The following LMX1A variants were observed in gnomAD, a reference collection of about 807,000 sequenced individuals.
LMX1A encodes LIM homeobox transcription factor 1 alpha, also known as LIM homeobox transcription factor 1-alpha.
In LMX1A, 15 loss-of-function variants were observed where a neutral mutation model predicts 49.1. The ratio of observed to expected loss-of-function variants is 0.31; its 90% CI spans 0.20 to 0.47. The LOEUF is 0.47. Among genes scored for constraint, LMX1A ranks in the 20% least tolerant of loss-of-function variants. LMX1A has a pLI of 1.00. For synonymous variants in LMX1A, 167 were observed against 185.7 expected (o/e 0.90, Z 0.82); for missense variants, 372 against 475.8 (o/e 0.78, Z 2.03).
intron 6 of LMX1A, 21 bp from the exon 7 acceptor site, chr1:165,208,153 G>A: frequency 7.4e-6 from 12 of 1,611,982 alleles, no homozygotes; most frequent in Non-Finnish European, 6.8e-6. Context: ...GAGGACCATA[G>A]GATTAGAAGT....
intron 3 of LMX1A, among the ~76,000 whole-genome samples, chr1:165,261,426 T>G (rs565410303): frequency 6.6e-6 from 1 of 152,214 alleles, no homozygotes; most frequent in Admixed American, 6.5e-5. Context: ...GGAACTCTTG[T>G]GCATTGTTAG....
chr1:165,323,810 C>A (rs1157911015), intron 3 of LMX1A, among the ~76,000 whole-genome samples: 1 of 151,712 alleles, frequency 6.6e-6, no homozygotes, highest in South Asian at 2.1e-4. Context: ...AATACTTTCA[C>A]ATCTGTGCTT....
At chr1:165,286,776 T>C (rs982018118) in intron 3 of LMX1A, among the ~76,000 whole-genome samples, 73 of 60,708 alleles carry the variant, frequency 1.2e-3, no homozygotes, top group Non-Finnish European at 7.2e-4. Context: ...CCCAGCCTAC[T>C]TGGCTCTGAA....
At chr1:165,287,490 T>C (rs1419167137) in intron 3 of LMX1A, among the ~76,000 whole-genome samples, 1 of 152,134 alleles carries the variant, frequency 6.6e-6, no homozygotes, top group Non-Finnish European at 1.5e-5. Flanking sequence ...GTTACAACTG[T>C]GAATTCTTTT....
chr1:165,277,037 G>A (rs1054671215), intron 3 of LMX1A, among the ~76,000 whole-genome samples: 1 of 152,224 alleles, frequency 6.6e-6, no homozygotes, highest in African/African-American at 2.4e-5. Flanking sequence ...TCAAGACAAG[G>A]AACAACTGAG....
At chr1:165,249,686 G>T in intron 3 of LMX1A, 46 bp from the exon 4 acceptor site, 1 of 1,516,056 alleles carries the variant, frequency 6.6e-7, no homozygotes, top group Non-Finnish European at 9.1e-7. Context: ...AGTAAAATCT[G>T]GCTTGGTCCT....
chr1:165,321,812 G>T (rs143670911), intron 3 of LMX1A, among the ~76,000 whole-genome samples: 1 of 152,110 alleles, frequency 6.6e-6, no homozygotes, highest in South Asian at 2.1e-4. Flanking sequence ...TCAAGAAAAT[G>T]AAAAGACAAC....
In LMX1A at chr1:165,332,412, A is replaced by G. The variant is rs182861550; in HGVS notation, c.263+20664T>C. 6.6e-5 allele frequency among the ~76,000 whole-genome samples: 10 copies of G among 152,342 alleles called. No individual in the cohort carries two copies. In the East Asian group the frequency reaches 1.9e-3, roughly 29 times the overall value. On this transcript the variant is annotated intron_variant, in intron 3 of 8. Coordinates refer to ENST00000342310, the MANE Select transcript of LMX1A (RefSeq NM_177398.4). ...ACTGTCTACAGAAGATAAACTTTAA[A>G]AAAACAAAGATTAGGAATAAGGCAA...
At chr1:165,316,835 T>C (rs906266) in intron 3 of LMX1A, among the ~76,000 whole-genome samples, 132,796 of 152,092 alleles carry the variant, frequency 0.87, 58,451 homozygotes, top group East Asian at 0.94. Context: ...CACCTCCCCA[T>C]CCGGATCCCA....
At chr1:165,246,160 A>C (rs527871894) in intron 4 of LMX1A, among the ~76,000 whole-genome samples, 1 of 152,288 alleles carries the variant, frequency 6.6e-6, no homozygotes, top group South Asian at 2.1e-4. Context: ...TTCATTAGGT[A>C]CTTATTGATC....
At position 165,202,437 on chromosome 1, in the gene LMX1A, C is replaced by T. The variant is rs1350351094; in HGVS notation, c.*1443G>A. On this transcript the variant is annotated 3_prime_UTR_variant, in exon 9 of 9. Transcript: ENST00000342310. ...CTGGAACCTTCTGCCTCTATGAGCG[C>T]CATGAGGTTCTTTAGAAACAGACCC... is the stretch of plus-strand genomic sequence containing the variant. The T allele has an allele frequency of 6.6e-6, 1 of 152,466 alleles. No individual in the cohort carries two copies. Among genetic ancestry groups the T allele is most frequent in the African/African-American group, 2.4e-5 (1 of 41,406 alleles). The allele number at this position is 152,466 out of a possible 1,614,324, so 9.4% of individuals were successfully genotyped here.
intron 5 of LMX1A, among the ~76,000 whole-genome samples, chr1:165,211,711 T>C (rs12029324): frequency 6.6e-6 from 1 of 152,060 alleles, no homozygotes; most frequent in Non-Finnish European, 1.5e-5. Context: ...CCAACTAAAA[T>C]AGGAGTGTAC....
chr1:165,293,709 G>A (rs567491216), intron 3 of LMX1A, among the ~76,000 whole-genome samples: 16 of 152,312 alleles, frequency 1.1e-4, no homozygotes, highest in Admixed American at 4.6e-4. Context: ...CAGATTCAGC[G>A]TCTGGTCAGG....
chr1:165,305,512 C>T (rs1197753399), intron 3 of LMX1A, among the ~76,000 whole-genome samples: 1 of 152,192 alleles, frequency 6.6e-6, no homozygotes, highest in Non-Finnish European at 1.5e-5. Context: ...AACCTCTCCA[C>T]TCAGGGCCAA....
intron 3 of LMX1A, 114 bp downstream of exon 3, chr1:165,352,962 C>G: frequency 9.0e-7 from 1 of 1,108,170 alleles, no homozygotes; most frequent in Non-Finnish European, 1.3e-6. Flanking sequence ...AAGTTCTGCT[C>G]GCTGGGCGTG....
intron 3 of LMX1A, among the ~76,000 whole-genome samples, chr1:165,330,152 T>G (rs1655704013): frequency 6.6e-6 from 1 of 152,104 alleles, no homozygotes; most frequent in Non-Finnish European, 1.5e-5. Flanking sequence ...GCATAAGAGG[T>G]TAATAACAGG....
chr1:165,345,583 G>A (rs1656217417), intron 3 of LMX1A, among the ~76,000 whole-genome samples: 2 of 152,168 alleles, frequency 1.3e-5, no homozygotes, highest in Non-Finnish European at 2.9e-5. Context: ...AAGGTGCCAG[G>A]CACAGTCAGA....
chr1:165,352,161 C>T (rs758533866), intron 3 of LMX1A, among the ~76,000 whole-genome samples: 2 of 152,268 alleles, frequency 1.3e-5, no homozygotes, highest in South Asian at 4.1e-4. Context: ...AAGCTCCTCC[C>T]GGCACGCCCG....
chr1:165,313,564 T>C (rs1450934926), intron 3 of LMX1A, among the ~76,000 whole-genome samples: 1 of 150,942 alleles, frequency 6.6e-6, no homozygotes, highest in Non-Finnish European at 1.5e-5. Flanking sequence ...GGGCAGGGCT[T>C]AAGGAAAGCA....
Sources: gnomAD v4.1 joint callset for allele counts (sites outside exome capture counted in the v4.1 genomes callset) on GRCh38, gnomAD v4.1.1 for gene constraint, MANE v1.5 for transcripts, NCBI Gene and HGNC (gene_info 2026-07-23, HGNC 2026-07-21) for gene names.